Variants in KCND2 observed in about 807,000 individuals in gnomAD.
KCND2 encodes the protein A-type voltage-gated potassium channel KCND2.
A neutral mutation model predicts 54.4 loss-of-function variants in KCND2; 16 were observed. That is an observed-to-expected ratio of 0.29 (90% CI 0.20 to 0.45). The LOEUF is 0.45. Ranked by LOEUF, KCND2 falls within the 20% of genes least tolerant of loss-of-function variation. The pLI is 1.00. For missense variants in KCND2, 486 were observed against 824.2 expected (o/e 0.59, Z 5.02); for synonymous variants, 317 against 310.7 (o/e 1.02, Z -0.21).
At chr7:120,298,228 G>A (rs914932385) in intron 1 of KCND2, among the ~76,000 whole-genome samples, 9 of 151,982 alleles carry the variant, frequency 5.9e-5, no homozygotes, top group African/African-American at 1.2e-4. Flanking sequence ...CTCTACACAC[G>A]GGTATTACAG....
At chr7:120,403,138 A>C (rs112022820) in intron 1 of KCND2, among the ~76,000 whole-genome samples, 18 of 152,294 alleles carry the variant, frequency 1.2e-4, no homozygotes, top group African/African-American at 3.8e-4. Flanking sequence ...TCTCCCTTCC[A>C]GGGATTAACC....
chr7:120,700,906 T>C (rs1222465398), intron 1 of KCND2, among the ~76,000 whole-genome samples: 4 of 152,132 alleles, frequency 2.6e-5, no homozygotes, highest in Non-Finnish European at 5.9e-5. Flanking sequence ...AGAAGTATAT[T>C]TGACTCTTAC....
intron 1 of KCND2, among the ~76,000 whole-genome samples, chr7:120,508,776 A>C (rs1803066804): frequency 6.6e-6 from 1 of 152,100 alleles, no homozygotes; most frequent in East Asian, 1.9e-4. Context: ...CACAAATATG[A>C]CATATTTTTT....
intron 1 of KCND2, among the ~76,000 whole-genome samples, chr7:120,301,172 A>T (rs1003764475): frequency 6.6e-6 from 1 of 152,298 alleles, no homozygotes; most frequent in East Asian, 1.9e-4. Context: ...GTTGTTTTAA[A>T]TGTTCTACAA....
intron 1 of KCND2, among the ~76,000 whole-genome samples, chr7:120,388,044 A>G (rs1801015743): frequency 6.6e-6 from 1 of 152,100 alleles, no homozygotes; most frequent in Non-Finnish European, 1.5e-5. Flanking sequence ...AAGTTCTGAT[A>G]GAATAAATTG....
At chr7:120,482,389 C>T (rs1021617816) in intron 1 of KCND2, among the ~76,000 whole-genome samples, 1 of 151,990 alleles carries the variant, frequency 6.6e-6, no homozygotes, top group African/African-American at 2.4e-5. Flanking sequence ...GGCACTGGAA[C>T]CAGTTAAAAT....
At chr7:120,713,728 A>G (rs903551752) in intron 1 of KCND2, among the ~76,000 whole-genome samples, 4 of 152,164 alleles carry the variant, frequency 2.6e-5, no homozygotes, top group African/African-American at 7.2e-5. Context: ...TTTTTCCTGA[A>G]ACAAACTAAA....
intron 1 of KCND2, among the ~76,000 whole-genome samples, chr7:120,583,125 G>A (rs116520428): frequency 2.1e-3 from 313 of 152,084 alleles, no homozygotes; most frequent in African/African-American, 6.9e-3. Context: ...TTGTAATCAC[G>A]AGGTTAGTGG....
chr7:120,398,039 T>TATATA (rs1563033173), intron 1 of KCND2, among the ~76,000 whole-genome samples: 1 of 126,586 alleles, frequency 7.9e-6, no homozygotes, highest in African/African-American at 3.0e-5. Context: ...ATATATATAT[T>TATATA]TGCTCTTTTT....
chr7:120,357,687 A>C (rs562348828), intron 1 of KCND2, among the ~76,000 whole-genome samples: 131 of 152,144 alleles, frequency 8.6e-4, no homozygotes, highest in African/African-American at 2.8e-3. Flanking sequence ...ACTTAAACAA[A>C]AAAAAAAAAT....
chr7:120,293,436 C>A (rs1799465308), intron 1 of KCND2, among the ~76,000 whole-genome samples: 1 of 151,900 alleles, frequency 6.6e-6, no homozygotes, highest in Admixed American at 6.6e-5. Flanking sequence ...CACCCATGTG[C>A]TGTTCTGGTT....
chr7:120,490,588 C>T (rs1584799479), intron 1 of KCND2, among the ~76,000 whole-genome samples: 1 of 152,084 alleles, frequency 6.6e-6, no homozygotes, highest in East Asian at 1.9e-4. Context: ...GTACATGGCT[C>T]ATAGTCAAGG....
chr7:120,341,846 T>C (rs1800243436), intron 1 of KCND2, among the ~76,000 whole-genome samples: 1 of 152,066 alleles, frequency 6.6e-6, no homozygotes, highest in Non-Finnish European at 1.5e-5. Context: ...AATTGCAGTA[T>C]CATTAAATGG....
In KCND2 at chr7:120,480,534, C is replaced by A. The variant is rs182239476; in HGVS notation, c.1115+204787C>A. 3.9e-3 allele frequency among the ~76,000 whole-genome samples: 593 copies of A among 152,222 alleles called. 4 individuals carry two copies. The highest frequency in any genetic ancestry group is 0.013 in the African/African-American group (544 of 41,546). On this transcript the variant is annotated intron_variant, in intron 1 of 5. Coordinates refer to ENST00000331113, the MANE Select transcript of KCND2 (RefSeq NM_012281.3). ...GCATCTGTGCTAAATTATTCTTTTA[C>A]CACACTGAAGACTCAATGGATTAAT... is the stretch of plus-strand genomic sequence containing the variant.
intron 1 of KCND2, among the ~76,000 whole-genome samples, chr7:120,365,766 CA>C (rs1800667841): frequency 6.6e-6 from 1 of 151,950 alleles, no homozygotes; most frequent in African/African-American, 2.4e-5. Context: ...GATTTTCGAG[CA>C]AAATGTACAT....
chr7:120,657,566 G>C (rs956788206), intron 1 of KCND2, among the ~76,000 whole-genome samples: 2 of 152,120 alleles, frequency 1.3e-5, no homozygotes, highest in African/African-American at 2.4e-5. Flanking sequence ...GCAAGTTGAG[G>C]CCAGGTAAGG....
intron 1 of KCND2, among the ~76,000 whole-genome samples, chr7:120,522,354 A>G (rs1396582541): frequency 6.6e-6 from 1 of 152,150 alleles, no homozygotes; most frequent in African/African-American, 2.4e-5. Context: ...TGACTTCTCA[A>G]CCAAGGACTT....
intron 1 of KCND2, among the ~76,000 whole-genome samples, chr7:120,731,692 G>T (rs1792808531): frequency 6.6e-6 from 1 of 152,218 alleles, no homozygotes; most frequent in South Asian, 2.1e-4. Flanking sequence ...AGAAAGGAGA[G>T]TCAGGTAAGA....
chr7:120,600,853 A>G (rs1376347494), intron 1 of KCND2, among the ~76,000 whole-genome samples: 1 of 152,102 alleles, frequency 6.6e-6, no homozygotes, highest in Non-Finnish European at 1.5e-5. Flanking sequence ...GAACAACTCA[A>G]TGAATCAGTA....
Sources: gnomAD v4.1 joint callset for allele counts (sites outside exome capture counted in the v4.1 genomes callset) on GRCh38, gnomAD v4.1.1 for gene constraint, MANE v1.5 for transcripts, NCBI Gene and HGNC (gene_info 2026-07-23, HGNC 2026-07-21) for gene names.